TBC1D19: variants seen among roughly 807,000 people sequenced by gnomAD.
The protein encoded by TBC1D19 is TBC1 domain family member 19, also known as TBC1 domain family, member 19.
Under a neutral mutation model 89.0 loss-of-function variants are expected in TBC1D19, and 60 were observed. The ratio of observed to expected loss-of-function variants is 0.67; its 90% CI spans 0.55 to 0.84. TBC1D19 has a LOEUF of 0.84. Among genes scored for constraint, TBC1D19 ranks in the 40% least tolerant of loss-of-function variants. TBC1D19 has a pLI of 0.00. For synonymous variants in TBC1D19, 189 were observed against 199.7 expected (o/e 0.95, Z 0.45); for missense variants, 500 against 610.8 (o/e 0.82, Z 1.91).
chr4:26,839,362 A>C, the TBC1D19 span, among the ~76,000 whole-genome samples: 1 of 152,234 alleles, frequency 6.6e-6, no homozygotes, highest in African/African-American at 2.4e-5. Flanking sequence ...GAGATCTCTG[A>C]GTATGATACT....
chr4:26,663,059 G>A (rs551231903), intron 8 of TBC1D19: 1 of 152,330 alleles, frequency 6.6e-6, no homozygotes, highest in South Asian at 2.1e-4. Context: ...AAGGTTCCAG[G>A]ATGGATGCCT....
the TBC1D19 span, among the ~76,000 whole-genome samples, chr4:26,786,796 G>GAT: frequency 2.0e-5 from 3 of 147,818 alleles, no homozygotes; most frequent in Admixed American, 1.4e-4. Context: ...TGGATGGATG[G>GAT]GTGGGTGGAA....
chr4:26,811,042 A>G, the TBC1D19 span, among the ~76,000 whole-genome samples: 2 of 152,244 alleles, frequency 1.3e-5, no homozygotes, highest in African/African-American at 4.8e-5. Context: ...TCTACTATAA[A>G]GACACATGCA....
At chr4:26,779,169 C>A in the TBC1D19 span, among the ~76,000 whole-genome samples, 1 of 152,172 alleles carries the variant, frequency 6.6e-6, no homozygotes, top group African/African-American at 2.4e-5. Flanking sequence ...ATGGTAGTTT[C>A]TGCTGCTCCT....
chr4:26,680,520 C>T (rs1713242048), intron 11 of TBC1D19, among the ~76,000 whole-genome samples: 1 of 152,130 alleles, frequency 6.6e-6, no homozygotes, highest in South Asian at 2.1e-4. Context: ...TTCACAGCTA[C>T]ACCTGTGAAA....
At chr4:26,676,944 A>G (rs1256750259) in intron 11 of TBC1D19, among the ~76,000 whole-genome samples, 1 of 152,102 alleles carries the variant, frequency 6.6e-6, no homozygotes, top group Non-Finnish European at 1.5e-5. Context: ...AGCCTCAGTT[A>G]CCAGTTACCT....
the TBC1D19 span, among the ~76,000 whole-genome samples, chr4:26,842,185 A>G: frequency 6.6e-6 from 1 of 151,792 alleles, no homozygotes; most frequent in South Asian, 2.1e-4. Context: ...TCCCCACTAC[A>G]TCTTCAGTCT....
chr4:26,696,645 T>G (rs1476446385), intron 13 of TBC1D19, among the ~76,000 whole-genome samples: 1 of 152,182 alleles, frequency 6.6e-6, no homozygotes, highest in South Asian at 2.1e-4. Context: ...GAACAGAAAT[T>G]ATAACAAACT....
chr4:26,727,461 T>G (rs993288139), intron 15 of TBC1D19, among the ~76,000 whole-genome samples: 3 of 152,174 alleles, frequency 2.0e-5, no homozygotes, highest in African/African-American at 7.2e-5. Flanking sequence ...TTCTTAGGTT[T>G]AAGCTGATAT....
intron 1 of TBC1D19, among the ~76,000 whole-genome samples, chr4:26,596,029 T>G (rs1177623151): frequency 6.6e-6 from 1 of 152,122 alleles, no homozygotes; most frequent in Non-Finnish European, 1.5e-5. Flanking sequence ...TGATCTTAGC[T>G]CTCTGCAACC....
rs1714787150 is a variant in TBC1D19 at position 26,696,409 on chromosome 4, G to A, written c.954+8002G>A. Among the ~76,000 whole-genome samples the A allele has an allele frequency of 2.0e-5, 3 of 152,058 alleles. No homozygotes were observed. In the South Asian group the frequency reaches 6.2e-4, roughly 32 times the overall value. On this transcript the variant is annotated intron_variant, in intron 13 of 20. Transcript: ENST00000264866. ...CTTAGACTCCCTCACGATAATAATG[G>A]GAGACTTTAACACCCCACTGTCAAC...
chr4:26,581,110 C>T (rs115336059), upstream of TBC1D19, among the ~76,000 whole-genome samples: 426 of 152,190 alleles, frequency 2.8e-3, 6 homozygotes, highest in African/African-American at 0.01. Context: ...AAATTGCACC[C>T]CCTCTTGCTA....
chr4:26,757,076 C>T (rs993301124), downstream of TBC1D19, among the ~76,000 whole-genome samples: 6 of 151,838 alleles, frequency 4.0e-5, no homozygotes, highest in African/African-American at 9.7e-5. Flanking sequence ...TGCAGTGATG[C>T]GATCTCAGCT....
chr4:26,833,342 G>A, the TBC1D19 span, among the ~76,000 whole-genome samples: 1 of 152,140 alleles, frequency 6.6e-6, no homozygotes, highest in African/African-American at 2.4e-5. Context: ...TAATTTAGGA[G>A]CAGTAAATTC....
chr4:26,807,234 G>A, the TBC1D19 span, among the ~76,000 whole-genome samples: 15 of 152,086 alleles, frequency 9.9e-5, 1 homozygote, highest in East Asian at 5.8e-4. Flanking sequence ...TGAGGAGACC[G>A]GTATCCGACC....
At chr4:26,740,519 T>G (rs1718297204) in intron 17 of TBC1D19, among the ~76,000 whole-genome samples, 1 of 152,222 alleles carries the variant, frequency 6.6e-6, no homozygotes, top group East Asian at 1.9e-4. Context: ...TTTCTTTGTA[T>G]TCAATAAAAT....
chr4:26,670,779 A>G (rs1161118928), intron 9 of TBC1D19, among the ~76,000 whole-genome samples: 3 of 151,640 alleles, frequency 2.0e-5, no homozygotes, highest in Non-Finnish European at 4.4e-5. Flanking sequence ...ATCATAGATT[A>G]GTTTTGCTTA....
chr4:26,801,390 A>G, the TBC1D19 span, among the ~76,000 whole-genome samples: 1 of 152,212 alleles, frequency 6.6e-6, no homozygotes, highest in Non-Finnish European at 1.5e-5. Context: ...TACCAGTACC[A>G]TGCTGTTGTG....
At chr4:26,776,509 C>G in the TBC1D19 span, among the ~76,000 whole-genome samples, 1 of 152,118 alleles carries the variant, frequency 6.6e-6, no homozygotes, top group African/African-American at 2.4e-5. Flanking sequence ...AGACTATATC[C>G]TAGTCCATTT....
Sources: allele counts gnomAD v4.1 joint callset (sites outside exome capture counted in the v4.1 genomes callset), GRCh38; gene constraint gnomAD v4.1.1; transcripts MANE v1.5; gene names NCBI Gene and HGNC (gene_info 2026-07-23, HGNC 2026-07-21).